The following UMAD1 variants were observed in gnomAD, a reference collection of about 807,000 sequenced individuals.
The protein encoded by UMAD1 is UBAP1-MVB12-associated (UMA) domain containing 1.
Under a neutral mutation model 6.1 loss-of-function variants are expected in UMAD1, and 8 were observed. The observed-to-expected ratio is 1.30, with a 90% CI of 0.76 to 2.35. UMAD1 has a LOEUF of 2.35. Among genes scored for constraint, UMAD1 ranks in the 30% most tolerant of loss-of-function variants. UMAD1 has a pLI of 0.00. For synonymous variants in UMAD1, 56 were observed against 31.4 expected, an observed-to-expected ratio of 1.78 and a Z score of -2.61; for missense variants, 130 against 78.4, an observed-to-expected ratio of 1.66 and a Z score of -2.49.
intron 2 of UMAD1, among the ~76,000 whole-genome samples, chr7:7,792,543 T>C (rs781335452): frequency 1.3e-5 from 2 of 152,232 alleles, no homozygotes; most frequent in Non-Finnish European, 2.9e-5. Context: ...GGAAGCACCA[T>C]GATATTATGG....
At chr7:7,844,280 A>C (rs1783741582) in intron 3 of UMAD1, among the ~76,000 whole-genome samples, 1 of 152,044 alleles carries the variant, frequency 6.6e-6, no homozygotes, top group African/African-American at 2.4e-5. Flanking sequence ...ACAAATTCTG[A>C]CACAGTCCAG....
chr7:7,871,264 C>A (rs1445480803), intron 3 of UMAD1, among the ~76,000 whole-genome samples: 4 of 152,128 alleles, frequency 2.6e-5, no homozygotes, highest in Non-Finnish European at 5.9e-5. Context: ...CCAAGATATG[C>A]TACTTTAATA....
At chr7:7,738,039 TG>T (rs1226572338) in intron 2 of UMAD1, among the ~76,000 whole-genome samples, 4 of 152,172 alleles carry the variant, frequency 2.6e-5, no homozygotes, top group Admixed American at 6.5e-5. Flanking sequence ...ATTGAGAAAA[TG>T]GATTCTAAAG....
At chr7:7,760,315 C>T (rs571828199) in intron 2 of UMAD1, among the ~76,000 whole-genome samples, 2 of 151,780 alleles carry the variant, frequency 1.3e-5, no homozygotes, top group Admixed American at 6.6e-5. Context: ...AAGCTCTGCC[C>T]GAATTTTTGA....
intron 2 of UMAD1, among the ~76,000 whole-genome samples, chr7:7,799,383 G>A (rs1479530096): frequency 2.0e-5 from 3 of 152,198 alleles, no homozygotes; most frequent in Non-Finnish European, 4.4e-5. Flanking sequence ...AGGCAGATGT[G>A]TTGTGTGAAG....
chr7:7,822,187 T>C (rs1451758625), intron 3 of UMAD1, among the ~76,000 whole-genome samples: 1 of 152,116 alleles, frequency 6.6e-6, no homozygotes, highest in Non-Finnish European at 1.5e-5. Context: ...ATGTATGTAT[T>C]GTTTGACAAA....
intron 2 of UMAD1, among the ~76,000 whole-genome samples, chr7:7,770,870 AGTAT>A (rs1409682680): frequency 6.6e-6 from 1 of 152,146 alleles, no homozygotes. Flanking sequence ...AGCAGTTGAA[AGTAT>A]GGGGCATATG....
At chr7:7,714,279 T>G (rs867698456) in intron 2 of UMAD1, among the ~76,000 whole-genome samples, 1 of 152,372 alleles carries the variant, frequency 6.6e-6, no homozygotes, top group African/African-American at 2.4e-5. Flanking sequence ...AATCCTTGGA[T>G]GTTGACAGCA....
chr7:7,786,205 G>A (rs1055829382), intron 2 of UMAD1, among the ~76,000 whole-genome samples: 1 of 152,124 alleles, frequency 6.6e-6, no homozygotes, highest in Non-Finnish European at 1.5e-5. Context: ...GCATTTACTC[G>A]GGATGTCTCT....
chr7:7,741,617 A>AATAATAAT (rs1563169882), intron 2 of UMAD1, among the ~76,000 whole-genome samples: 1 of 134,988 alleles, frequency 7.4e-6, no homozygotes, highest in African/African-American at 2.6e-5. Flanking sequence ...ATAATAATAA[A>AATAATAAT]AATAATAAAA....
rs146544740 is a variant in UMAD1, at chr7:7,647,796, GTTCT to G, written c.-64+6982_-64+6985del. The stretch of plus-strand genomic sequence containing the variant: ...TAAAATCTTTCTTTTGTAGAGACGG[GTTCT>G]TTCTTTGTTGCCCAGGCTGGTCCAT... On this transcript the variant is annotated intron_variant, in intron 1 of 3. Transcript: ENST00000682710. 3.0e-3 allele frequency among the ~76,000 whole-genome samples: 456 copies of G among 152,214 alleles called. 2 individuals are homozygous for G. Among genetic ancestry groups the G allele is most frequent in the Non-Finnish European group, 5.1e-3 (345 of 68,018 alleles).
intron 2 of UMAD1, among the ~76,000 whole-genome samples, chr7:7,728,083 G>A (rs1781175608): frequency 6.6e-6 from 1 of 152,036 alleles, no homozygotes; most frequent in Admixed American, 6.5e-5. Context: ...CCTCCATTCT[G>A]TGGTAAAATG....
chr7:7,848,025 A>G (rs1169917094), intron 3 of UMAD1, among the ~76,000 whole-genome samples: 1 of 152,188 alleles, frequency 6.6e-6, no homozygotes, highest in Non-Finnish European at 1.5e-5. Flanking sequence ...TTTTAAACTT[A>G]TTAAATAAAG....
At chr7:7,744,123 C>T (rs1781525186) in intron 2 of UMAD1, among the ~76,000 whole-genome samples, 1 of 152,108 alleles carries the variant, frequency 6.6e-6, no homozygotes, top group South Asian at 2.1e-4. Context: ...CAGGAATCTA[C>T]TTTCTATCTC....
chr7:7,807,961 C>T (rs144038656), intron 3 of UMAD1, among the ~76,000 whole-genome samples: 12 of 152,126 alleles, frequency 7.9e-5, no homozygotes, highest in African/African-American at 2.2e-4. Context: ...TTAGGAGACA[C>T]GTCACTGAAC....
intron 3 of UMAD1, among the ~76,000 whole-genome samples, chr7:7,827,137 ATATATATATATGTGTGTG>A (rs928905969): frequency 8.5e-5 from 11 of 129,602 alleles, no homozygotes; most frequent in South Asian, 5.2e-4. Context: ...ATATATATAT[ATATATATATATGTGTGTG>A]TGTGTGTGTG....
intron 2 of UMAD1, among the ~76,000 whole-genome samples, chr7:7,688,624 ATCT>A (rs775958211): frequency 9.9e-5 from 15 of 152,064 alleles, no homozygotes; most frequent in Non-Finnish European, 2.2e-4. Flanking sequence ...CATGTTGTAA[ATCT>A]TCTATCATTT....
At chr7:7,648,531 A>C (rs190740924) in intron 1 of UMAD1, among the ~76,000 whole-genome samples, 1 of 152,298 alleles carries the variant, frequency 6.6e-6, no homozygotes, top group African/African-American at 2.4e-5. Context: ...GCTATTACAG[A>C]ATACCACAGA....
At chr7:7,712,247 A>C (rs1055220615) in intron 2 of UMAD1, among the ~76,000 whole-genome samples, 4 of 152,112 alleles carry the variant, frequency 2.6e-5, no homozygotes, top group Non-Finnish European at 5.9e-5. Flanking sequence ...ACTCAAACCT[A>C]CCCACTCTGA....
Sources: gnomAD v4.1 joint callset for allele counts (sites outside exome capture counted in the v4.1 genomes callset) on GRCh38, gnomAD v4.1.1 for gene constraint, MANE v1.5 for transcripts, NCBI Gene and HGNC (gene_info 2026-07-23, HGNC 2026-07-21) for gene names.